The following DCUN1D4 variants were observed in gnomAD, a reference collection of about 807,000 sequenced individuals.
The protein encoded by DCUN1D4 is defective in cullin neddylation 1 domain containing 4.
Under a neutral mutation model 47.9 loss-of-function variants are expected in DCUN1D4, and 22 were observed. The observed-to-expected ratio is 0.46, with a 90% CI of 0.33 to 0.66. DCUN1D4 has a LOEUF of 0.66. Ranked by LOEUF, DCUN1D4 falls within the 30% of genes least tolerant of loss-of-function variation. The pLI is 0.02. For missense variants in DCUN1D4, 301 were observed against 340.8 expected (o/e 0.88, Z 0.92); for synonymous variants, 121 against 112.2 (o/e 1.08, Z -0.50).
chr4:51,837,487 C>T, the DCUN1D4 span, among the ~76,000 whole-genome samples: 2 of 151,590 alleles, frequency 1.3e-5, no homozygotes, highest in Admixed American at 6.6e-5. Context: ...AACCCCGTCT[C>T]TACTAAAAAT....
chr4:51,863,541 T>G, intron 2 of DCUN1D4, 34 bp downstream of exon 2: 1 of 1,587,908 alleles, frequency 6.3e-7, no homozygotes, highest in Non-Finnish European at 8.6e-7. Context: ...AATTACCAAC[T>G]GTTTGAAGTA....
At chr4:51,886,907 C>T (rs766767859) in intron 6 of DCUN1D4, 13 of 443,220 alleles carry the variant, frequency 2.9e-5, no homozygotes, top group Admixed American at 1.7e-4. Context: ...AATGGTGTGG[C>T]CACATGTGCC....
the DCUN1D4 span, among the ~76,000 whole-genome samples, chr4:51,836,441 ATG>A: frequency 1.3e-5 from 2 of 152,142 alleles, no homozygotes; most frequent in Non-Finnish European, 2.9e-5. Flanking sequence ...AGATGAACAT[ATG>A]TGTGTGTGTC....
intron 8 of DCUN1D4, among the ~76,000 whole-genome samples, chr4:51,900,221 T>C (rs1452271045): frequency 1.3e-5 from 2 of 152,182 alleles, no homozygotes; most frequent in African/African-American, 4.8e-5. Flanking sequence ...TTTTACTCTC[T>C]TTGGCTCTGC....
chr4:51,881,381 C>G (rs1728589653), intron 5 of DCUN1D4, among the ~76,000 whole-genome samples: 1 of 152,078 alleles, frequency 6.6e-6, no homozygotes, highest in South Asian at 2.1e-4. Flanking sequence ...TGGACAGTTG[C>G]AACAAATAAT....
intron 1 of DCUN1D4, among the ~76,000 whole-genome samples, chr4:51,862,775 G>A (rs1725269259): frequency 6.6e-6 from 1 of 152,044 alleles, no homozygotes; most frequent in Non-Finnish European, 1.5e-5. Flanking sequence ...TTGGGAGGCT[G>A]AGGCAGGAGG....
chr4:51,882,454 G>A (rs902324093), intron 5 of DCUN1D4, among the ~76,000 whole-genome samples: 1 of 152,188 alleles, frequency 6.6e-6, no homozygotes, highest in Admixed American at 6.5e-5. Context: ...GCAAATGCAG[G>A]CGGCTTGCTA....
At chr4:51,880,497 G>C (rs540427961) in intron 5 of DCUN1D4, among the ~76,000 whole-genome samples, 1 of 152,218 alleles carries the variant, frequency 6.6e-6, no homozygotes, top group Non-Finnish European at 1.5e-5. Flanking sequence ...GTTCCACTTT[G>C]TACCTTGCCC....
intron 1 of DCUN1D4, chr4:51,848,324 C>G (rs972853438): frequency 7.8e-7 from 1 of 1,286,042 alleles, no homozygotes; most frequent in East Asian, 5.6e-5. Context: ...TCTGGTCTCT[C>G]GTGTCAGCGT....
At chr4:51,895,456 G>A (rs2110080614) in intron 7 of DCUN1D4, among the ~76,000 whole-genome samples, 1 of 151,024 alleles carries the variant, frequency 6.6e-6, no homozygotes, top group East Asian at 2.0e-4. Flanking sequence ...CCGGCAGCTG[G>A]TAGGGAACAT....
intron 1 of DCUN1D4, among the ~76,000 whole-genome samples, chr4:51,853,971 G>A (rs1435989401): frequency 2.0e-5 from 3 of 152,154 alleles, no homozygotes; most frequent in Admixed American, 6.5e-5. Flanking sequence ...TAATCCACAC[G>A]ATATCCTTAT....
intron 8 of DCUN1D4, among the ~76,000 whole-genome samples, chr4:51,900,425 A>C (rs1269014380): frequency 1.3e-5 from 2 of 152,206 alleles, no homozygotes; most frequent in Admixed American, 6.5e-5. Flanking sequence ...TGGCATTTGC[A>C]TAATAATATA....
chr4:51,856,622 A>G (rs1724184993), intron 1 of DCUN1D4, among the ~76,000 whole-genome samples: 1 of 152,190 alleles, frequency 6.6e-6, no homozygotes, highest in Admixed American at 6.5e-5. Context: ...TTGGATTGGG[A>G]GTTAGAAGAT....
At chr4:51,861,420 G>T (rs1204166534) in intron 1 of DCUN1D4, among the ~76,000 whole-genome samples, 1 of 152,166 alleles carries the variant, frequency 6.6e-6, no homozygotes, top group Non-Finnish European at 1.5e-5. Flanking sequence ...ATTCCAGATT[G>T]AGGATAACTT....
At chr4:51,861,524 T>C (rs1725046335) in intron 1 of DCUN1D4, among the ~76,000 whole-genome samples, 1 of 152,142 alleles carries the variant, frequency 6.6e-6, no homozygotes. Context: ...TATGGGAATT[T>C]TGGGAGTTTA....
intron 3 of DCUN1D4, among the ~76,000 whole-genome samples, chr4:51,867,689 G>A (rs1198703541): frequency 6.6e-6 from 1 of 152,172 alleles, no homozygotes; most frequent in African/African-American, 2.4e-5. Flanking sequence ...AGGGGAGAAA[G>A]CACGTGCTGA....
At chr4:51,842,956 A>G (rs571328979), upstream of DCUN1D4, 97 of 915,366 alleles carry the variant, frequency 1.1e-4, no homozygotes, top group African/African-American at 1.4e-3. Context: ...GGCCTCCGCC[A>G]GGGGCGTTAC....
At chr4:51,838,540 C>G (rs1165104983), upstream of DCUN1D4, among the ~76,000 whole-genome samples, 3 of 152,062 alleles carry the variant, frequency 2.0e-5, no homozygotes, top group Non-Finnish European at 4.4e-5. Context: ...TGCCACCACA[C>G]CCAGATAATT....
At chr4:51,848,320 C>A in intron 1 of DCUN1D4, 1 of 1,286,982 alleles carries the variant, frequency 7.8e-7, no homozygotes, top group Non-Finnish European at 1.0e-6. Flanking sequence ...CGTTTCTGGT[C>A]TCTCGTGTCA....
Sources: gnomAD v4.1 joint callset for allele counts (sites outside exome capture counted in the v4.1 genomes callset) on GRCh38, gnomAD v4.1.1 for gene constraint, MANE v1.5 for transcripts, NCBI Gene and HGNC (gene_info 2026-07-23, HGNC 2026-07-21) for gene names.